Variants in ATM observed in about 807,000 individuals in gnomAD.
ATM encodes the protein ATM serine/threonine kinase.
A neutral mutation model predicts 387.0 loss-of-function variants in ATM; 308 were observed. The ratio of observed to expected loss-of-function variants is 0.80; its 90% CI spans 0.73 to 0.87. ATM has a LOEUF of 0.87. Among genes scored for constraint, ATM ranks in the 40% least tolerant of loss-of-function variants. The pLI, the probability that ATM is intolerant of heterozygous loss-of-function variation, is 0.00. For synonymous variants in ATM, 1,156 were observed against 1,187.3 expected (o/e 0.97, Z 0.54); for missense variants, 3,312 against 3,560.9 (o/e 0.93, Z 1.78).
rs1037895812 is a variant in ATM at position 108,270,797 on chromosome 11, G to A, written c.2839-267G>A. Among the ~76,000 whole-genome samples the A allele has an allele frequency of 8.5e-5, 13 of 152,228 alleles. 1 individual carries two copies. The South Asian group carries it at 2.7e-3, about 32-fold the overall frequency. On this transcript the variant is annotated intron_variant, in intron 18 of 62. Coordinates refer to ENST00000675843, the MANE Select transcript of ATM (RefSeq NM_000051.4). ...TGCAACCTTCGCCTCCCAGGTTCAA[G>A]CGATTCTCCTGCCTCAGCCTCCTGA...
At chr11:108,283,836 T>C (rs1243023865) in intron 25 of ATM, among the ~76,000 whole-genome samples, 1 of 152,238 alleles carries the variant, frequency 6.6e-6, no homozygotes, top group Non-Finnish European at 1.5e-5. Context: ...TTGAAAAATA[T>C]GCAAGTATAA....
intron 57 of ATM, among the ~76,000 whole-genome samples, chr11:108,344,187 G>A (rs993073797): frequency 6.6e-6 from 1 of 152,190 alleles, no homozygotes; most frequent in African/African-American, 2.4e-5. Context: ...ATGGAAGTCT[G>A]TACAGGGCAC....
Position 108,299,975 on chromosome 11 carries a change from A to G in ATM, c.5177+90A>G, listed in dbSNP as rs1179942723. The G allele has an allele frequency of 3.9e-6, 5 of 1,273,238 alleles. No homozygotes were observed. In the Admixed American group the frequency reaches 9.4e-5, roughly 24 times the overall value. The allele number at this position is 1,273,238 out of a possible 1,614,324, so 78.9% of individuals were successfully genotyped here. On this transcript the variant is annotated intron_variant, in intron 34 of 62. Transcript: ENST00000675843. ...ACAAATAGATATTCTCAGTAACTAA[A>G]GCTTTGTCCTTTTTTAAATCTCAGT...
chr11:108,251,754 A>G (rs1460102522), intron 10 of ATM, 83 bp from the exon 11 acceptor site: 8 of 1,306,582 alleles, frequency 6.1e-6, no homozygotes, highest in Non-Finnish European at 8.9e-6. Flanking sequence ...AACTAAATGT[A>G]TGTGCCAGGC....
chr11:108,247,777 G>A (rs2079927349), intron 8 of ATM, among the ~76,000 whole-genome samples: 1 of 151,404 alleles, frequency 6.6e-6, no homozygotes, highest in Admixed American at 6.6e-5. Context: ...TGTTTTTTTA[G>A]TAGAGACTGG....
rs1309539769 is a variant in ATM, at chr11:108,252,850, T to A, written c.1836T>A (p.Leu612=). Residue 612 remains leucine (L), a synonymous_variant, in exon 12 of 63, where the codon CTT becomes CTA. Coordinates refer to ENST00000675843, the MANE Select transcript of ATM (RefSeq NM_000051.4). The part of the protein sequence containing the change: ...NFPHLVLEKI[L]VSLTMKNCKA... ...CTCATCTTGTACTGGAGAAAATTCT[T>A]GTGAGTCTCACTATGAAAAACTGTA... The A allele has an allele frequency of 1.9e-6, 3 of 1,613,094 alleles. No homozygotes were observed. The South Asian group carries it at 3.3e-5, about 18-fold the overall frequency.
chr11:108,326,317 G>C (rs2085685025), intron 47 of ATM, 92 bp downstream of exon 47: 1 of 1,463,444 alleles, frequency 6.8e-7, no homozygotes, highest in African/African-American at 1.4e-5. Context: ...AATTTTATTA[G>C]AGCCTTGAAA....
At chr11:108,357,486 G>A (rs1435295827) in intron 61 of ATM, among the ~76,000 whole-genome samples, 1 of 152,128 alleles carries the variant, frequency 6.6e-6, no homozygotes, top group African/African-American at 2.4e-5. Context: ...TCCACCTCTG[G>A]GGGCAGGGCA....
Position 108,250,893 on chromosome 11 carries a change from A to G in ATM, c.1428A>G (p.Gln476=), listed in dbSNP as rs745509434. 2.5e-6 allele frequency: 4 copies of G among 1,614,164 alleles called. No individual in the cohort carries two copies. Among genetic ancestry groups the G allele is most frequent in the Admixed American group, 1.7e-5 (1 of 60,014 alleles). Residue 476 remains glutamine (Q), a synonymous_variant, in exon 10 of 63, where the codon CAA becomes CAG. Transcript: ENST00000675843. ...QDKRSNLESS[Q]KSDLLKLWNK... is the part of the protein sequence containing the mutation. ...AGAGGTCAAACCTAGAAAGCTCACAAAAGTCAGATTTATTAAAACTCTGGA... is the reference window on the plus strand; with the variant it reads ...AGAGGTCAAACCTAGAAAGCTCACAGAAGTCAGATTTATTAAAACTCTGGA...
chr11:108,289,932 A>G, intron 29 of ATM, 131 bp downstream of exon 29: 1 of 792,798 alleles, frequency 1.3e-6, no homozygotes, highest in Non-Finnish European at 2.0e-6. Context: ...GTCACGGCTC[A>G]CTGCATCCTC....
Position 108,227,799 on chromosome 11 carries a change from C to T in ATM, c.96C>T (p.Arg32=), listed in dbSNP as rs1305090923. 1 of 1,613,636 alleles carries T rather than the reference C, an allele frequency of 6.2e-7. No individual in the cohort carries two copies. The highest frequency in any genetic ancestry group is 2.2e-5 in the East Asian group (1 of 44,774). ...ERKKEVEKFK[R]LIRDPETIKH... is the part of the protein sequence containing the mutation. The stretch of plus-strand genomic sequence containing the variant: ...AGAAAGAAGTTGAGAAATTTAAGCG[C>T]CTGATTCGAGATCCTGAAACAATTA... The change falls in exon 3 of 63, where the codon CGC becomes CGT. Residue 32 remains arginine (R), a synonymous_variant. Coordinates refer to ENST00000675843, the MANE Select transcript of ATM (RefSeq NM_000051.4).
At chr11:108,253,379 A>G (rs1468537694) in intron 12 of ATM, among the ~76,000 whole-genome samples, 1 of 152,128 alleles carries the variant, frequency 6.6e-6, no homozygotes, top group Non-Finnish European at 1.5e-5. Context: ...CACTGGCACA[A>G]ACATTCCTTA....
intron 1 of ATM, chr11:108,224,904 T>C (rs901015156): frequency 6.6e-6 from 1 of 152,234 alleles, no homozygotes; most frequent in Non-Finnish European, 1.5e-5. Context: ...TCATTATTTG[T>C]CTAGCTATAA....
Position 108,286,770 on chromosome 11 carries a change from A to C in ATM, c.3994-830A>C, listed in dbSNP as rs869312479. On this transcript the variant is annotated intron_variant, in intron 26 of 62. Transcript: ENST00000675843. ...CAGACCTTATTGCCCTGCCTCATTTACGTTAGGTTTCTTTCTTGTCACCTT... is the reference window on the plus strand; with the variant it reads ...CAGACCTTATTGCCCTGCCTCATTTCCGTTAGGTTTCTTTCTTGTCACCTT... Among the ~76,000 whole-genome samples the C allele has an allele frequency of 2.6e-5, 4 of 152,156 alleles. No homozygotes were observed. Among genetic ancestry groups the C allele is most frequent in the Non-Finnish European group, 2.9e-5 (2 of 67,962 alleles).
intron 54 of ATM, among the ~76,000 whole-genome samples, chr11:108,334,289 G>T (rs2086593814): frequency 6.6e-6 from 1 of 152,112 alleles, no homozygotes; most frequent in South Asian, 2.1e-4. Flanking sequence ...TGGCAAGGAA[G>T]GTTCCAATTG....
intron 31 of ATM, among the ~76,000 whole-genome samples, chr11:108,294,600 G>A (rs994235714): frequency 2.0e-5 from 3 of 152,166 alleles, no homozygotes; most frequent in Admixed American, 6.5e-5. Flanking sequence ...TTAGCTGGGC[G>A]TGGTGGCACA....
At chr11:108,294,756 CATT>C (rs1441232879) in intron 31 of ATM, among the ~76,000 whole-genome samples, 168 bp from the exon 32 acceptor site, 1 of 152,032 alleles carries the variant, frequency 6.6e-6, no homozygotes, top group Non-Finnish European at 1.5e-5. Flanking sequence ...AGTATTAAAA[CATT>C]GTAGGGTTTG....
intron 5 of ATM, among the ~76,000 whole-genome samples, chr11:108,241,371 G>A (rs2079548623): frequency 6.6e-6 from 1 of 152,126 alleles, no homozygotes; most frequent in Non-Finnish European, 1.5e-5. Flanking sequence ...CATTTTACCA[G>A]TAACTTAGTC....
chr11:108,304,969 G>T (rs949032780), intron 37 of ATM, 117 bp downstream of exon 37: 14 of 1,264,066 alleles, frequency 1.1e-5, no homozygotes, highest in Non-Finnish European at 1.5e-5. Context: ...CTCTAAATTT[G>T]TTTCTTCATC....
Sources: allele counts gnomAD v4.1 joint callset (sites outside exome capture counted in the v4.1 genomes callset), GRCh38; gene constraint gnomAD v4.1.1; transcripts MANE v1.5; gene names NCBI Gene and HGNC (gene_info 2026-07-23, HGNC 2026-07-21).